Variants in ZNF101 observed in about 807,000 individuals in gnomAD.
The protein encoded by ZNF101 is zinc finger protein 101 (Y2).
In ZNF101, 34 loss-of-function variants were observed where a neutral mutation model predicts 42.6. The observed-to-expected ratio is 0.80, with a 90% CI of 0.61 to 1.06. The LOEUF is 1.06. ZNF101 is among the 50% of genes least tolerant of loss of function. ZNF101 has a pLI of 0.00. For synonymous variants in ZNF101, 158 were observed against 183.9 expected (o/e 0.86, Z 1.14); for missense variants, 466 against 530.9 (o/e 0.88, Z 1.20).
At position 19,679,486 on chromosome 19, in the gene ZNF101, A is replaced by T. The variant is rs1334346403; in HGVS notation, c.497A>T (p.Lys166Met). The change falls in exon 4 of 4, where the codon AAG becomes ATG. Residue 166 changes from lysine (K) to methionine (M), a missense_variant. By Grantham distance (95) the Lys-to-Met change is moderately conservative. Coordinates refer to ENST00000592502, the MANE Select transcript of ZNF101 (RefSeq NM_033204.4). Reference sequence around the variant, plus strand: ...CGGCGCACAGTAACACCAACTCGAAAGAGACCTTATGAATGCAAGGTGTGC... The same window carrying T: ...CGGCGCACAGTAACACCAACTCGAATGAGACCTTATGAATGCAAGGTGTGC... ...GARRTVTPTR[K>M]RPYECKVCGK... 6.2e-7 allele frequency: 1 copy of T among 1,614,164 alleles called. No homozygotes were observed. The highest frequency in any genetic ancestry group is 1.7e-5 in the Admixed American group (1 of 59,994).
intron 1 of ZNF101, chr19:19,676,987 C>T (rs561373984): frequency 6.6e-6 from 1 of 152,226 alleles, no homozygotes; most frequent in Admixed American, 6.5e-5. Flanking sequence ...GAAGGGACAT[C>T]TTATTGAGTT....
chr19:19,674,127 T>A (rs2062188278), intron 1 of ZNF101, among the ~76,000 whole-genome samples: 1 of 151,966 alleles, frequency 6.6e-6, no homozygotes, highest in Non-Finnish European at 1.5e-5. Context: ...TTTGTGGTAT[T>A]GTTTTCTTAA....
chr19:19,678,138 T>C (rs2062214149), intron 2 of ZNF101, 148 bp downstream of exon 2: 2 of 1,229,278 alleles, frequency 1.6e-6, no homozygotes, highest in Admixed American at 5.5e-5. Flanking sequence ...ACCCTTGTAA[T>C]CCTAGTGCTT....
rs537586270 is a variant in ZNF101 at position 19,678,741 on chromosome 19, A to G, written c.146A>G (p.Asp49Gly). ...TACATTTTAGGAATCCAATGGAAAG[A>G]CCAGGACATTGAGAATCTGTACCAA... ...NLASVGIQWK[D>G]QDIENLYQNL... The change falls in exon 3 of 4, where the codon GAC becomes GGC. Residue 49 changes from aspartate to glycine, a missense_variant. Asp to Gly is a moderately conservative substitution (Grantham distance 94). Coordinates refer to ENST00000592502, the MANE Select transcript of ZNF101 (RefSeq NM_033204.4). The G allele has an allele frequency of 1.6e-4, 262 of 1,609,656 alleles. 1 individual carries two copies. In the East Asian group the frequency reaches 5.0e-3, roughly 31 times the overall value.
At chr19:19,673,925 T>G (rs1210166442) in intron 1 of ZNF101, among the ~76,000 whole-genome samples, 4 of 148,304 alleles carry the variant, frequency 2.7e-5, no homozygotes, top group Non-Finnish European at 4.5e-5. Context: ...TCCCAAGTAG[T>G]TGGGATTACA....
In ZNF101 at chr19:19,680,160, G is replaced by A; in HGVS notation, c.1171G>A (p.Glu391Lys). The A allele has an allele frequency of 6.2e-7, 1 of 1,611,814 alleles. No individual in the cohort carries two copies. The highest frequency in any genetic ancestry group is 8.5e-7 in the Non-Finnish European group (1 of 1,179,458). ...AAGACATGAAATGACTCACACTGGA[G>A]AAAAACCCTTTGATTGTAAACAGTG... ...LRRHEMTHTGEKPFDCKQCGK... is the reference protein window; with the variant it reads ...LRRHEMTHTGKKPFDCKQCGK... The change falls in exon 4 of 4, where the codon GAA becomes AAA. Residue 391 changes from glutamate to lysine, a missense_variant. By Grantham distance (56) the Glu-to-Lys change is moderately conservative. Coordinates refer to ENST00000592502, the MANE Select transcript of ZNF101 (RefSeq NM_033204.4).
intron 1 of ZNF101, 122 bp downstream of exon 1, chr19:19,669,088 G>C: frequency 7.3e-7 from 1 of 1,374,816 alleles, no homozygotes; most frequent in South Asian, 1.3e-5. Flanking sequence ...CCCAGGCGCA[G>C]CTCGACCCTT....
chr19:19,673,687 CTTTTTTTTTTTT>C (rs573395742), intron 1 of ZNF101, among the ~76,000 whole-genome samples: 1 of 82,868 alleles, frequency 1.2e-5, no homozygotes, highest in East Asian at 3.4e-4. Flanking sequence ...GCGTTCAATT[CTTTTTTTTTTTT>C]TTTTTTTTTT....
At chr19:19,678,625 A>AG in intron 2 of ZNF101, 101 bp from the exon 3 acceptor site, 1 of 1,076,706 alleles carries the variant, frequency 9.3e-7, no homozygotes, top group South Asian at 1.7e-5. Context: ...CAAAAAAAAA[A>AG]AAAAATCAGG....
chr19:19,674,014 G>T (rs2062187623), intron 1 of ZNF101, among the ~76,000 whole-genome samples: 1 of 151,822 alleles, frequency 6.6e-6, no homozygotes, highest in Admixed American at 6.6e-5. Context: ...GGCTGGTCTT[G>T]AACTCCTAAC....
At chr19:19,670,298 C>CTTCTG (rs1474692797) in intron 1 of ZNF101, among the ~76,000 whole-genome samples, 2 of 152,208 alleles carry the variant, frequency 1.3e-5, no homozygotes, top group African/African-American at 4.8e-5. Context: ...GGGTGGCATG[C>CTTCTG]AGTGGCACAG....
chr19:19,670,153 G>A (rs1295327533), intron 1 of ZNF101, among the ~76,000 whole-genome samples: 1 of 152,080 alleles, frequency 6.6e-6, no homozygotes. Flanking sequence ...TGTTTGATGA[G>A]CCTCCTAGGG....
intron 1 of ZNF101, among the ~76,000 whole-genome samples, chr19:19,673,500 G>A (rs1599449549): frequency 2.0e-5 from 3 of 151,386 alleles, no homozygotes; most frequent in South Asian, 2.1e-4. Flanking sequence ...CACCCACCTC[G>A]GCCTCCCAAA....
At chr19:19,674,464 C>A (rs2062190354) in intron 1 of ZNF101, among the ~76,000 whole-genome samples, 2 of 152,254 alleles carry the variant, frequency 1.3e-5, no homozygotes. Flanking sequence ...GCGTGAGCCA[C>A]CGCACCCAGC....
In ZNF101 at chr19:19,679,856, A is replaced by G. The variant is rs1275886147; in HGVS notation, c.867A>G (p.Lys289=). 2.5e-6 allele frequency: 4 copies of G among 1,614,144 alleles called. No individual in the cohort carries two copies. Among genetic ancestry groups the G allele is most frequent in the South Asian group, 1.1e-5 (1 of 91,078 alleles). Residue 289 remains lysine (K), a synonymous_variant, in exon 4 of 4, where the codon AAA becomes AAG. Coordinates refer to ENST00000592502, the MANE Select transcript of ZNF101 (RefSeq NM_033204.4). ...CCCACCAATGTCAGGAATGTGGGAA[A>G]AAACTCAGTTGTTCCAGTTCCCTTC... ...EKSHQCQECG[K]KLSCSSSLHR...
At chr19:19,669,123 C>G (rs1051363596) in intron 1 of ZNF101, among the ~76,000 whole-genome samples, 157 bp downstream of exon 1, 1 of 152,198 alleles carries the variant, frequency 6.6e-6, no homozygotes, top group Non-Finnish European at 1.5e-5. Context: ...CCGGGTGGAG[C>G]TGGACCAGCC....
chr19:19,675,901 G>A (rs1367459303), intron 1 of ZNF101, among the ~76,000 whole-genome samples: 3 of 152,140 alleles, frequency 2.0e-5, no homozygotes, highest in Non-Finnish European at 4.4e-5. Flanking sequence ...AGGGAACAAG[G>A]TGGGATGATC....
At chr19:19,669,061 G>T in intron 1 of ZNF101, 95 bp downstream of exon 1, 3 of 1,480,972 alleles carry the variant, frequency 2.0e-6, no homozygotes, top group Admixed American at 4.1e-5. Flanking sequence ...GACTGTGGGG[G>T]TCTGGGACCC....
intron 1 of ZNF101, 171 bp from the exon 2 acceptor site, chr19:19,677,691 TCA>T: frequency 6.6e-6 from 7 of 1,055,504 alleles, no homozygotes; most frequent in Non-Finnish European, 9.0e-6. Flanking sequence ...AGGTCAGTTC[TCA>T]CACTGGAACT....
Sources: gnomAD v4.1 joint callset for allele counts (sites outside exome capture counted in the v4.1 genomes callset) on GRCh38, gnomAD v4.1.1 for gene constraint, MANE v1.5 for transcripts, NCBI Gene and HGNC (gene_info 2026-07-23, HGNC 2026-07-21) for gene names.